DPYSL3: variants seen among roughly 807,000 people sequenced by gnomAD.
DPYSL3 encodes the protein dihydropyrimidinase like 3.
A neutral mutation model predicts 66.1 loss-of-function variants in DPYSL3; 16 were observed. That is an observed-to-expected ratio of 0.24 (90% CI 0.16 to 0.37). DPYSL3 has a LOEUF of 0.37. Among genes scored for constraint, DPYSL3 ranks in the 10% least tolerant of loss-of-function variants. DPYSL3 has a pLI of 1.00. For missense variants in DPYSL3, 738 were observed against 916.2 expected (o/e 0.81, Z 2.51); for synonymous variants, 338 against 345.1 (o/e 0.98, Z 0.23).
At chr5:147,497,507 T>A (rs1753537170) in intron 1 of DPYSL3, among the ~76,000 whole-genome samples, 1 of 152,154 alleles carries the variant, frequency 6.6e-6, no homozygotes, top group Non-Finnish European at 1.5e-5. Flanking sequence ...CAACCATGTA[T>A]ACAGAAAGTT....
chr5:147,488,306 C>T (rs748633777), intron 1 of DPYSL3, among the ~76,000 whole-genome samples: 3 of 152,152 alleles, frequency 2.0e-5, no homozygotes, highest in Non-Finnish European at 2.9e-5. Flanking sequence ...ATTTGGACAG[C>T]GTGTTGACAG....
intron 1 of DPYSL3, among the ~76,000 whole-genome samples, chr5:147,466,075 T>C (rs1753004591): frequency 6.6e-6 from 1 of 152,266 alleles, no homozygotes; most frequent in South Asian, 2.1e-4. Flanking sequence ...TTTATATTTC[T>C]TTAAAAATTA....
intron 1 of DPYSL3, among the ~76,000 whole-genome samples, chr5:147,501,023 T>C (rs947399851): frequency 1.3e-5 from 2 of 152,212 alleles, no homozygotes; most frequent in Admixed American, 6.5e-5. Context: ...TGCCCACGAA[T>C]GTTTATAGCA....
intron 1 of DPYSL3, among the ~76,000 whole-genome samples, chr5:147,506,292 T>G (rs1753684731): frequency 6.6e-6 from 1 of 152,102 alleles, no homozygotes; most frequent in Admixed American, 6.5e-5. Flanking sequence ...TTGTTTTAAA[T>G]TAAATTGTAC....
At chr5:147,450,941 TA>T (rs1395887022) in intron 1 of DPYSL3, among the ~76,000 whole-genome samples, 3 of 152,156 alleles carry the variant, frequency 2.0e-5, no homozygotes, top group Non-Finnish European at 4.4e-5. Flanking sequence ...GAATTGATGG[TA>T]GGGGGTATAT....
chr5:147,466,627 C>T (rs1201636118), intron 1 of DPYSL3, among the ~76,000 whole-genome samples: 1 of 152,216 alleles, frequency 6.6e-6, no homozygotes, highest in East Asian at 1.9e-4. Flanking sequence ...AATAGCACAA[C>T]AGTTCACTCC....
chr5:147,462,610 G>A (rs1752950022), intron 1 of DPYSL3, among the ~76,000 whole-genome samples: 1 of 152,098 alleles, frequency 6.6e-6, no homozygotes, highest in Non-Finnish European at 1.5e-5. Context: ...AGCCTGGTAG[G>A]TCTCTTCAGG....
chr5:147,463,146 T>G (rs1752959771), intron 1 of DPYSL3, among the ~76,000 whole-genome samples: 1 of 152,092 alleles, frequency 6.6e-6, no homozygotes. Flanking sequence ...CTACTTTTGC[T>G]CCAGCACCTT....
chr5:147,464,401 C>T (rs931192291), intron 1 of DPYSL3, among the ~76,000 whole-genome samples: 2 of 152,148 alleles, frequency 1.3e-5, no homozygotes, highest in African/African-American at 4.8e-5. Context: ...AATGTTTCCA[C>T]CAGGGGGCAT....
At chr5:147,427,812 C>T (rs1467336183) in intron 1 of DPYSL3, among the ~76,000 whole-genome samples, 1 of 152,136 alleles carries the variant, frequency 6.6e-6, no homozygotes, top group Non-Finnish European at 1.5e-5. Context: ...TAATAACAAT[C>T]TTGGTAACTG....
At chr5:147,453,644 GC>G (rs1752786183) in intron 1 of DPYSL3, 2 of 1,505,366 alleles carry the variant, frequency 1.3e-6, no homozygotes, top group Admixed American at 2.1e-5. Context: ...GCTCCGGCTC[GC>G]CCGCGCCTTC....
intron 7 of DPYSL3, among the ~76,000 whole-genome samples, chr5:147,406,750 A>G (rs1247825423): frequency 1.3e-5 from 2 of 152,194 alleles, no homozygotes; most frequent in Non-Finnish European, 2.9e-5. Flanking sequence ...TCAATTGGCA[A>G]CACTTCATTT....
chr5:147,419,325 G>A lies in DPYSL3; in HGVS notation c.471-694C>T, dbSNP rs17106713. On this transcript the variant is annotated intron_variant, in intron 2 of 13. Coordinates refer to ENST00000343218, the MANE Select transcript of DPYSL3 (RefSeq NM_001197294.2). ...GCCGAGCTGAGTGATTATGAGAACC[G>A]CCACTAGACACGGCTTCGCCCAGGA... 4.6e-5 allele frequency among the ~76,000 whole-genome samples: 7 copies of A among 152,232 alleles called. No individual in the cohort carries two copies. The South Asian group carries it at 6.2e-4, about 14-fold the overall frequency.
intron 1 of DPYSL3, among the ~76,000 whole-genome samples, chr5:147,505,990 T>C (rs927802681): frequency 6.6e-6 from 1 of 152,148 alleles, no homozygotes; most frequent in Non-Finnish European, 1.5e-5. Flanking sequence ...ATTATTTATG[T>C]GATTTGGGAC....
chr5:147,493,813 G>A lies in DPYSL3; in HGVS notation c.381+15665C>T, dbSNP rs72833357. ...AACATATTTAAAAGAATAAAATCAT[G>A]CAAGCTGCTCTTGGACCACAATGGA... On this transcript the variant is annotated intron_variant, in intron 1 of 13. Transcript: ENST00000343218. Among the ~76,000 whole-genome samples, 543 of 152,288 alleles carry A rather than the reference G, an allele frequency of 3.6e-3. 2 individuals carry two copies. Among genetic ancestry groups the A allele is most frequent in the Admixed American group, 4.6e-3 (70 of 15,288 alleles).
intron 3 of DPYSL3, 24 bp downstream of exon 3, chr5:147,418,422 GA>G (rs1274855761): frequency 1.3e-6 from 2 of 1,575,658 alleles, no homozygotes; most frequent in Non-Finnish European, 1.7e-6. Flanking sequence ...TGAGAAACAG[GA>G]GTGTGTAAAA....
At chr5:147,432,108 C>G (rs993701134) in intron 1 of DPYSL3, among the ~76,000 whole-genome samples, 25 of 152,156 alleles carry the variant, frequency 1.6e-4, no homozygotes, top group African/African-American at 5.6e-4. Flanking sequence ...GTCTCAAACA[C>G]TCCTCCCTTT....
rs1160331180 is a variant in DPYSL3 at position 147,397,810 on chromosome 5, C to A, written c.1659G>T (p.Leu553=). 3 of 1,613,470 alleles carry A rather than the reference C, an allele frequency of 1.9e-6. No individual in the cohort carries two copies. The highest frequency in any genetic ancestry group is 1.3e-5 in the African/African-American group (1 of 75,050). ...AEYNIFEGME[L]RGAPLVVICQ... is the part of the protein sequence containing the mutation. The stretch of plus-strand genomic sequence containing the variant: ...AGATGACAACCAGAGGAGCCCCGCG[C>A]AGCTCCATCCCTTCAAAGATGTTGT... The change falls in exon 12 of 14, where the codon CTG becomes CTT. Residue 553 remains leucine (L), a synonymous_variant. Transcript: ENST00000343218.
At position 147,392,372 on chromosome 5, in the gene DPYSL3, A is replaced by G. The variant is rs1041217453; in HGVS notation, c.*1663T>C. 2 of 152,184 alleles carry G rather than the reference A, an allele frequency of 1.3e-5. No individual in the cohort carries two copies. Among genetic ancestry groups the G allele is most frequent in the African/African-American group, 4.8e-5 (2 of 41,442 alleles). The allele number at this position is 152,184 out of a possible 1,614,324, so 9.4% of individuals were successfully genotyped here. ...CAAATTCCTTTGTAGCCCAGTGTGT[A>G]CTTTTCTCTGGTCTTCAACTTATTC... On this transcript the variant is annotated 3_prime_UTR_variant, in exon 14 of 14. Transcript: ENST00000343218.
Sources: allele counts gnomAD v4.1 joint callset (sites outside exome capture counted in the v4.1 genomes callset), GRCh38; gene constraint gnomAD v4.1.1; transcripts MANE v1.5; gene names NCBI Gene and HGNC (gene_info 2026-07-23, HGNC 2026-07-21).